RAP1B: variants seen among roughly 807,000 people sequenced by gnomAD.
RAP1B encodes RAP1B, member of RAS oncogene family, also known as ras-related protein Rap-1b.
A neutral mutation model predicts 27.5 loss-of-function variants in RAP1B; 1 was observed. The ratio of observed to expected loss-of-function variants is 0.04; its 90% CI spans 0.01 to 0.17. The LOEUF (loss-of-function observed/expected upper bound fraction) is 0.17, where lower values mean the gene tolerates loss of function less well. Among genes scored for constraint, RAP1B ranks in the 10% least tolerant of loss-of-function variants. RAP1B has a pLI of 1.00. For missense variants in RAP1B, 84 were observed against 214.8 expected (o/e 0.39, Z 3.81); for synonymous variants, 75 against 73.1 (o/e 1.03, Z -0.13).
intron 1 of RAP1B, among the ~76,000 whole-genome samples, chr12:68,618,576 AT>A (rs1277177449): frequency 4.6e-5 from 7 of 152,182 alleles, no homozygotes; most frequent in Non-Finnish European, 1.0e-4. Flanking sequence ...GTGCAAAACT[AT>A]TTTTATAATA....
chr12:68,624,677 ATGG>A (rs1871620199), intron 1 of RAP1B: 1 of 152,208 alleles, frequency 6.6e-6, no homozygotes, highest in South Asian at 2.1e-4. Context: ...TTAGCCAGGC[ATGG>A]TGGTGTGTTC....
rs564861621 is a variant in RAP1B at position 68,617,747 on chromosome 12, AACCATAAAATAATACAGTAAT to A, written c.-27+6705_-27+6725del. ...CAGTATTACTCATGAATGTTTCATA[AACCATAAAATAATACAGTAAT>A]GTACTATTTTTTTTTTTGACAGCCT... is the stretch of plus-strand genomic sequence containing the variant. On this transcript the variant is annotated intron_variant, in intron 1 of 7. Coordinates refer to ENST00000250559, the MANE Select transcript of RAP1B (RefSeq NM_001010942.3). Among the ~76,000 whole-genome samples, 35 of 152,166 alleles carry A rather than the reference AACCATAAAATAATACAGTAAT, an allele frequency of 2.3e-4. No individual in the cohort carries two copies. In the East Asian group the frequency reaches 6.8e-3, roughly 29 times the overall value.
intron 1 of RAP1B, among the ~76,000 whole-genome samples, chr12:68,637,568 C>T (rs1446247002): frequency 1.6e-5 from 2 of 128,782 alleles, no homozygotes; most frequent in Non-Finnish European, 3.1e-5. Flanking sequence ...CACTGCACTC[C>T]AGCCTGGGTG....
At chr12:68,655,921 T>G (rs1874171894) in intron 5 of RAP1B, among the ~76,000 whole-genome samples, 1 of 152,136 alleles carries the variant, frequency 6.6e-6, no homozygotes, top group Non-Finnish European at 1.5e-5. Flanking sequence ...AATTTTAAGG[T>G]TTTTTCCCCC....
At chr12:68,617,842 C>T (rs1871133467) in intron 1 of RAP1B, among the ~76,000 whole-genome samples, 1 of 152,064 alleles carries the variant, frequency 6.6e-6, no homozygotes, top group Admixed American at 6.5e-5. Context: ...TGGCTCACTG[C>T]AGCTTCAACC....
At chr12:68,652,312 G>A (rs1873870036) in intron 4 of RAP1B, among the ~76,000 whole-genome samples, 1 of 151,984 alleles carries the variant, frequency 6.6e-6, no homozygotes, top group African/African-American at 2.4e-5. Flanking sequence ...CAGGTGTGGT[G>A]GTGGGAGCCT....
rs368305573 is a variant in RAP1B, at chr12:68,629,187, C to G, written c.-27+18144C>G. ...AGAGACAAGGTTTCACAATGTTTCC[C>G]AGTCTGGTATCGAACTCCTGAGCTC... On this transcript the variant is annotated intron_variant, in intron 1 of 7. Transcript: ENST00000250559. Among the ~76,000 whole-genome samples, 18 of 152,270 alleles carry G rather than the reference C, an allele frequency of 1.2e-4. No homozygotes were observed. In the East Asian group the frequency reaches 1.9e-3, roughly 16 times the overall value.
chr12:68,641,503 AAAAG>A (rs1399717139), intron 1 of RAP1B, among the ~76,000 whole-genome samples: 2 of 152,270 alleles, frequency 1.3e-5, no homozygotes, highest in Non-Finnish European at 2.9e-5. Context: ...AGTAAATGGA[AAAAG>A]TTGTAGAAGT....
chr12:68,662,058 A>ATT lies in RAP1B; in HGVS notation c.*2809_*2810insTT, dbSNP rs1285899776. 2.7e-5 allele frequency: 4 copies of ATT among 146,306 alleles called. No individual in the cohort carries two copies. Among genetic ancestry groups the ATT allele is most frequent in the African/African-American group, 1.0e-4 (4 of 40,198 alleles). The allele number at this position is 146,306 out of a possible 1,614,324, so 9.1% of individuals were successfully genotyped here. A position where few individuals can be genotyped will look rare whatever the true frequency, so the allele number is the denominator to read the frequency against. ...TTATATATAGTACATATATAGAGAG[A>ATT]GTATATATATATATGTAGTACAGTG... On this transcript the variant is annotated 3_prime_UTR_variant, in exon 8 of 8. Coordinates refer to ENST00000250559, the MANE Select transcript of RAP1B (RefSeq NM_001010942.3).
chr12:68,653,374 C>A (rs1039153820), intron 4 of RAP1B, among the ~76,000 whole-genome samples: 17 of 152,100 alleles, frequency 1.1e-4, no homozygotes, highest in Middle Eastern at 3.4e-3. Context: ...TGTGTTGTTA[C>A]CTTCAAATGC....
intron 1 of RAP1B, among the ~76,000 whole-genome samples, chr12:68,646,869 T>C (rs759787634): frequency 6.6e-6 from 1 of 152,214 alleles, no homozygotes; most frequent in Non-Finnish European, 1.5e-5. Context: ...TTTTTTCTAG[T>C]TTGTTTGTAA....
intron 1 of RAP1B, among the ~76,000 whole-genome samples, chr12:68,617,303 C>G (rs1391623122): frequency 1.3e-5 from 2 of 152,132 alleles, no homozygotes; most frequent in Admixed American, 6.5e-5. Flanking sequence ...ATGTGGAATC[C>G]TATTACTACA....
At chr12:68,632,475 G>A (rs2135936410) in intron 1 of RAP1B, among the ~76,000 whole-genome samples, 1 of 152,074 alleles carries the variant, frequency 6.6e-6, no homozygotes, top group East Asian at 1.9e-4. Flanking sequence ...AATTACTTGT[G>A]CCTTTTAAGC....
chr12:68,640,208 A>G (rs973936940), intron 1 of RAP1B, among the ~76,000 whole-genome samples: 1 of 152,322 alleles, frequency 6.6e-6, no homozygotes, highest in Admixed American at 6.5e-5. Context: ...ACAAAATTTA[A>G]TATCAATCCA....
At chr12:68,653,953 C>T (rs1874009736) in intron 4 of RAP1B, among the ~76,000 whole-genome samples, 159 bp from the exon 5 acceptor site, 1 of 151,812 alleles carries the variant, frequency 6.6e-6, no homozygotes, top group Non-Finnish European at 1.5e-5. Context: ...AACTAAAATG[C>T]CAATTTTTTC....
intron 1 of RAP1B, among the ~76,000 whole-genome samples, chr12:68,633,886 T>G (rs767869600): frequency 9.9e-5 from 15 of 152,020 alleles, no homozygotes; most frequent in Non-Finnish European, 1.8e-4. Context: ...ACAAAAAAAC[T>G]TAACATCTCT....
At chr12:68,643,290 A>G (rs939795049) in intron 1 of RAP1B, among the ~76,000 whole-genome samples, 1 of 152,198 alleles carries the variant, frequency 6.6e-6, no homozygotes, top group Non-Finnish European at 1.5e-5. Context: ...GCTTCTCAGA[A>G]TGTAATCATT....
At chr12:68,634,239 T>TAC (rs1872473245) in intron 1 of RAP1B, among the ~76,000 whole-genome samples, 1 of 152,268 alleles carries the variant, frequency 6.6e-6, no homozygotes, top group Non-Finnish European at 1.5e-5. Flanking sequence ...CTCATTGTGC[T>TAC]ACACATTTTG....
In RAP1B at chr12:68,661,292, T is replaced by A. The variant is rs1384538064; in HGVS notation, c.*2043T>A. 1.3e-5 allele frequency: 2 copies of A among 152,174 alleles called. No individual in the cohort carries two copies. Among genetic ancestry groups the A allele is most frequent in the Non-Finnish European group, 2.9e-5 (2 of 68,028 alleles). 9.4% of individuals were successfully genotyped at this position (152,174 alleles called of 1,614,324 possible). A position where few individuals can be genotyped will look rare whatever the true frequency, so the allele number is the denominator to read the frequency against. On this transcript the variant is annotated 3_prime_UTR_variant, in exon 8 of 8. Transcript: ENST00000250559. ...GGGACTGTGAAACACTAAAATTACT[T>A]CAATTTACTATGTCCTGTTACATCC...
Sources: allele counts gnomAD v4.1 joint callset (sites outside exome capture counted in the v4.1 genomes callset), GRCh38; gene constraint gnomAD v4.1.1; transcripts MANE v1.5; gene names NCBI Gene and HGNC (gene_info 2026-07-23, HGNC 2026-07-21).